Variants in VAV2 observed in about 807,000 individuals in gnomAD.
VAV2 encodes guanine nucleotide exchange factor VAV2.
Under a neutral mutation model 132.5 loss-of-function variants are expected in VAV2, and 67 were observed. That is an observed-to-expected ratio of 0.51 (90% CI 0.42 to 0.62). VAV2 has a LOEUF of 0.62. Ranked by LOEUF, VAV2 falls within the 20% of genes least tolerant of loss-of-function variation. The pLI is 0.00. For synonymous variants in VAV2, 492 were observed against 443.5 expected (o/e 1.11, Z -1.37); for missense variants, 938 against 1,153.6 (o/e 0.81, Z 2.71).
chr9:133,915,904 A>C (rs80322881), intron 2 of VAV2, among the ~76,000 whole-genome samples: 4,121 of 151,578 alleles, frequency 0.027, 185 homozygotes, highest in African/African-American at 0.094. Context: ...CACACGATGC[A>C]CACGTGCACA....
At chr9:133,832,886 T>C (rs771802608) in intron 4 of VAV2, among the ~76,000 whole-genome samples, 6 of 152,122 alleles carry the variant, frequency 3.9e-5, no homozygotes, top group Admixed American at 6.5e-5. Context: ...CTCAGATTCC[T>C]GAGGCTGGTC....
At position 133,840,268 on chromosome 9, in the gene VAV2, C is replaced by T. The variant is rs917187492; in HGVS notation, c.381-5928G>A. Among the ~76,000 whole-genome samples, 2 of 152,170 alleles carry T rather than the reference C, an allele frequency of 1.3e-5. No homozygotes were observed. The highest frequency in any genetic ancestry group is 4.8e-5 in the African/African-American group (2 of 41,424). ...GAAGCAGAGTTTCCCACTGCACCGC[C>T]GAGGGGACGAAGCAGATGTCCGCAC... is the stretch of plus-strand genomic sequence containing the variant. On this transcript the variant is annotated intron_variant, in intron 3 of 29. Coordinates refer to ENST00000371850, the MANE Select transcript of VAV2 (RefSeq NM_001134398.2). The surrounding 1 kb of genome is among the most constrained non-coding windows in gnomAD (Gnocchi z 4.5).
At chr9:133,933,952 G>GTGGATGGATGGATGGA (rs1554812128) in intron 2 of VAV2, among the ~76,000 whole-genome samples, 1 of 130,036 alleles carries the variant, frequency 7.7e-6, no homozygotes, top group African/African-American at 3.2e-5. Context: ...TGGATGGATG[G>GTGGATGGATGGATGGA]TGGATGGATG....
intron 1 of VAV2, among the ~76,000 whole-genome samples, chr9:133,959,276 C>T (rs1841890745): frequency 6.6e-6 from 1 of 152,186 alleles, no homozygotes; most frequent in Non-Finnish European, 1.5e-5. Context: ...ACGGAAGCCA[C>T]AAGAGAGGCA....
chr9:133,973,059 C>T (rs912169601), intron 1 of VAV2, among the ~76,000 whole-genome samples: 16 of 151,834 alleles, frequency 1.1e-4, no homozygotes, highest in Admixed American at 2.6e-4. Flanking sequence ...GAGATGGGAA[C>T]GGTAAGGAAT....
At chr9:133,877,211 C>T (rs1476832976) in intron 2 of VAV2, among the ~76,000 whole-genome samples, 2 of 152,192 alleles carry the variant, frequency 1.3e-5, no homozygotes, top group Non-Finnish European at 2.9e-5. Context: ...GAGAGGCTCC[C>T]TCCGCCCTCA....
chr9:133,801,538 C>T (rs1348053593), intron 9 of VAV2, among the ~76,000 whole-genome samples: 1 of 152,238 alleles, frequency 6.6e-6, no homozygotes, highest in Non-Finnish European at 1.5e-5. Flanking sequence ...CTCACCTGAC[C>T]CAGGGGCAGA....
intron 2 of VAV2, among the ~76,000 whole-genome samples, chr9:133,901,153 AC>A (rs1839425999): frequency 6.6e-6 from 1 of 152,148 alleles, no homozygotes; most frequent in African/African-American, 2.4e-5. Flanking sequence ...CTTAGCCCCA[AC>A]ACTCTCAACT....
chr9:133,819,419 A>T (rs1471467942), intron 4 of VAV2, among the ~76,000 whole-genome samples: 1 of 151,376 alleles, frequency 6.6e-6, no homozygotes, highest in African/African-American at 2.4e-5. Flanking sequence ...ACTGCACTCC[A>T]GCCTGGGCGA....
At chr9:133,784,275 G>A (rs371009976) in intron 18 of VAV2, 42 bp downstream of exon 18, 579 of 1,588,972 alleles carry the variant, frequency 3.6e-4, no homozygotes, top group Non-Finnish European at 4.6e-4. Flanking sequence ...CCTGGGCTGG[G>A]CGTGGAGCGA....
At chr9:133,889,852 G>A (rs796583080) in intron 2 of VAV2, among the ~76,000 whole-genome samples, 21 of 152,162 alleles carry the variant, frequency 1.4e-4, no homozygotes, top group Admixed American at 5.2e-4. Context: ...TGTTAATGTC[G>A]ATACAAGGCT....
chr9:133,966,907 C>G (rs555155718), intron 1 of VAV2, among the ~76,000 whole-genome samples: 1 of 151,282 alleles, frequency 6.6e-6, no homozygotes, highest in African/African-American at 2.4e-5. Context: ...TGGTGGCGGG[C>G]GCCTGCAATC....
At chr9:133,778,913 T>C in intron 21 of VAV2, 24 bp from the exon 22 acceptor site, 1 of 1,608,000 alleles carries the variant, frequency 6.2e-7, no homozygotes, top group Non-Finnish European at 8.5e-7. Context: ...GACAGCTCAC[T>C]CAGTGACTCA....
At chr9:133,814,680 CCA>C (rs1203487328) in intron 4 of VAV2, among the ~76,000 whole-genome samples, 1 of 152,252 alleles carries the variant, frequency 6.6e-6, no homozygotes, top group African/African-American at 2.4e-5. Flanking sequence ...TGGCAAACGG[CCA>C]CACTGTGGGG....
intron 1 of VAV2, among the ~76,000 whole-genome samples, chr9:133,968,791 G>C (rs1039733722): frequency 2.4e-4 from 37 of 152,300 alleles, no homozygotes; most frequent in African/African-American, 8.9e-4. Context: ...GTAGGGCCCT[G>C]TCCCCAGCTC....
At position 133,870,526 on chromosome 9, in the gene VAV2, C is replaced by T. The variant is rs899688172; in HGVS notation, c.322-9094G>A. On this transcript the variant is annotated intron_variant, in intron 2 of 29. Transcript: ENST00000371850. ...CTTTCAACAGGATGTAAAAATGATA[C>T]CCAAATATATACTTCCTCATCTCAG... is the stretch of plus-strand genomic sequence containing the variant. Among the ~76,000 whole-genome samples the T allele has an allele frequency of 3.3e-5, 5 of 152,278 alleles. No individual in the cohort carries two copies. The South Asian group carries it at 6.2e-4, about 19-fold the overall frequency.
In VAV2 at chr9:133,796,470, C is replaced by T. The variant is rs1428046965; in HGVS notation, c.991G>A (p.Val331Ile). ...TATTTGAGCACCCTCTGCATGGGGA[C>T]CACCAGCAGGTCTTGCAGCTTAAAT... is the stretch of plus-strand genomic sequence containing the variant. ...GKFKLQDLLVVPMQRVLKYHL... is the reference protein window; with the variant it reads ...GKFKLQDLLVIPMQRVLKYHL... The change falls in exon 11 of 30, where the codon GTC becomes ATC. Residue 331 changes from valine to isoleucine, a missense_variant. Coordinates refer to ENST00000371850, the MANE Select transcript of VAV2 (RefSeq NM_001134398.2). 12 of 1,613,758 alleles carry T rather than the reference C, an allele frequency of 7.4e-6. No individual in the cohort carries two copies. In the Middle Eastern group the frequency reaches 4.9e-4, roughly 66 times the overall value.
In VAV2 at chr9:133,797,760, T is replaced by C. The variant is rs769359624; in HGVS notation, c.886A>G (p.Thr296Ala). 2.8e-5 allele frequency: 45 copies of C among 1,613,962 alleles called. No homozygotes were observed. Among genetic ancestry groups the C allele is most frequent in the Non-Finnish European group, 3.8e-5 (45 of 1,179,978 alleles). Residue 296 changes from threonine (T) to alanine (A), a missense_variant, in exon 10 of 30, where the codon ACA becomes GCA. Physicochemically the swap from Thr to Ala is moderately conservative, Grantham distance 58. Coordinates refer to ENST00000371850, the MANE Select transcript of VAV2 (RefSeq NM_001134398.2). ...YCSHMEHAQN[T>A]LNQLLASRED... ...CGGCTGGCCAGGAGCTGGTTCAGTG[T>C]GTTCTGGGCGTGCTCCATGTGGCTG...
intron 21 of VAV2, among the ~76,000 whole-genome samples, chr9:133,779,656 G>T (rs554249765): frequency 1.3e-5 from 2 of 152,334 alleles, no homozygotes; most frequent in East Asian, 3.9e-4. Context: ...GGCCCTCCCT[G>T]GCTAGAAGGC....
Sources: gnomAD v4.1 joint callset for allele counts (sites outside exome capture counted in the v4.1 genomes callset) on GRCh38, gnomAD v4.1.1 for gene constraint, Gnocchi (gnomAD v3.1) non-coding constraint, MANE v1.5 for transcripts, NCBI Gene and HGNC (gene_info 2026-07-23, HGNC 2026-07-21) for gene names.